EPHA3: variants seen among roughly 807,000 people sequenced by gnomAD.
EPHA3 encodes ephrin type-A receptor 3.
In EPHA3, 42 loss-of-function variants were observed where a neutral mutation model predicts 107.1. The ratio of observed to expected loss-of-function variants is 0.39; its 90% CI spans 0.31 to 0.51. The LOEUF is 0.51. Among genes scored for constraint, EPHA3 ranks in the 20% least tolerant of loss-of-function variants. EPHA3 has a pLI of 0.78. For synonymous variants in EPHA3, 461 were observed against 424.8 expected (o/e 1.09, Z -1.05); for missense variants, 1,183 against 1,211.2 (o/e 0.98, Z 0.35).
intron 5 of EPHA3, among the ~76,000 whole-genome samples, chr3:89,343,628 T>C (rs9832305): frequency 0.31 from 47,519 of 152,134 alleles, 8,262 homozygotes; most frequent in African/African-American, 0.46. Context: ...TATTCAAATA[T>C]GTATCTTTCT....
chr3:89,200,393 A>G (rs191708606), intron 2 of EPHA3, among the ~76,000 whole-genome samples: 212 of 152,360 alleles, frequency 1.4e-3, no homozygotes, highest in African/African-American at 4.9e-3. Context: ...GTGTGCATTC[A>G]TAAGAAAAAA....
At chr3:89,375,810 C>A (rs566645410) in intron 5 of EPHA3, among the ~76,000 whole-genome samples, 81 of 151,998 alleles carry the variant, frequency 5.3e-4, no homozygotes, top group Non-Finnish European at 1.1e-3. Context: ...CCTGGAAGAG[C>A]TGTAGTACTT....
chr3:89,420,697 C>T (rs1431653233), intron 11 of EPHA3, among the ~76,000 whole-genome samples: 8 of 151,384 alleles, frequency 5.3e-5, no homozygotes, highest in African/African-American at 1.7e-4. Flanking sequence ...TGTACAGTTA[C>T]AGTATCATGT....
chr3:89,403,251 A>G (rs1194502138), intron 7 of EPHA3, among the ~76,000 whole-genome samples: 2 of 152,180 alleles, frequency 1.3e-5, no homozygotes, highest in African/African-American at 4.8e-5. Context: ...AAGTCACACA[A>G]TTGGCAAGGG....
At chr3:89,320,448 A>G (rs1170614614) in intron 3 of EPHA3, among the ~76,000 whole-genome samples, 1 of 152,030 alleles carries the variant, frequency 6.6e-6, no homozygotes. Flanking sequence ...GACTACAGGG[A>G]TATTATCTTC....
chr3:89,423,582 G>A (rs758170275), intron 11 of EPHA3, among the ~76,000 whole-genome samples: 1 of 151,218 alleles, frequency 6.6e-6, no homozygotes, highest in Non-Finnish European at 1.5e-5. Flanking sequence ...GTTTTATCAT[G>A]GATTCATGGC....
At chr3:89,231,185 G>A (rs1045662095) in intron 3 of EPHA3, among the ~76,000 whole-genome samples, 5 of 151,938 alleles carry the variant, frequency 3.3e-5, no homozygotes, top group African/African-American at 1.2e-4. Flanking sequence ...CATTTAATTG[G>A]AGAAACTATT....
chr3:89,277,623 T>C (rs2107308768), intron 3 of EPHA3, among the ~76,000 whole-genome samples: 2 of 152,280 alleles, frequency 1.3e-5, no homozygotes, highest in South Asian at 4.1e-4. Flanking sequence ...TTTTGTTTTA[T>C]AGGTTTATAA....
At chr3:89,401,319 G>A (rs1253951485) in intron 7 of EPHA3, among the ~76,000 whole-genome samples, 1 of 152,160 alleles carries the variant, frequency 6.6e-6, no homozygotes, top group African/African-American at 2.4e-5. Flanking sequence ...CTACTCAAAG[G>A]AGAGCTGCCA....
intron 2 of EPHA3, among the ~76,000 whole-genome samples, chr3:89,159,271 A>T (rs1576192705): frequency 6.6e-6 from 1 of 152,278 alleles, no homozygotes; most frequent in South Asian, 2.1e-4. Flanking sequence ...ATGTTTTATG[A>T]ATCAGAGCTC....
intron 11 of EPHA3, among the ~76,000 whole-genome samples, chr3:89,420,493 T>C (rs1409938856): frequency 6.6e-6 from 1 of 151,538 alleles, no homozygotes; most frequent in African/African-American, 2.4e-5. Context: ...AAGTCCATAT[T>C]AATTCTTATA....
At chr3:89,324,560 T>C (rs1707123066) in intron 3 of EPHA3, among the ~76,000 whole-genome samples, 2 of 152,062 alleles carry the variant, frequency 1.3e-5, no homozygotes, top group African/African-American at 4.8e-5. Flanking sequence ...TCTACTTCTA[T>C]TGCTATATCA....
intron 5 of EPHA3, among the ~76,000 whole-genome samples, chr3:89,366,668 G>A (rs1481471303): frequency 3.3e-5 from 5 of 150,450 alleles, no homozygotes; most frequent in Admixed American, 2.7e-4. Flanking sequence ...GAGTATAGAC[G>A]GAGTCAGCTT....
chr3:89,419,371 G>A lies in EPHA3; in HGVS notation c.2055G>A (p.Leu685=), dbSNP rs2107526939. Residue 685 remains leucine, a synonymous_variant, in exon 11 of 17, where the codon CTG becomes CTA. Coordinates refer to ENST00000336596, the MANE Select transcript of EPHA3 (RefSeq NM_005233.6). ...TTGACCACCCCAATATCATTCGACT[G>A]GAAGGAGTTGTTACCAAAAGTAAGT... ...GQFDHPNIIR[L]EGVVTKSKPV... is the part of the protein sequence containing the mutation. 3 of 1,591,840 alleles carry A rather than the reference G, an allele frequency of 1.9e-6. No homozygotes were observed. The highest frequency in any genetic ancestry group is 1.1e-5 in the South Asian group (1 of 87,866).
intron 13 of EPHA3, among the ~76,000 whole-genome samples, chr3:89,435,200 A>C (rs1289842015): frequency 1.3e-5 from 2 of 151,930 alleles, no homozygotes; most frequent in Non-Finnish European, 2.9e-5. Context: ...ATGTTTTGGG[A>C]ATTTCTCTTT....
intron 2 of EPHA3, among the ~76,000 whole-genome samples, chr3:89,136,329 G>GGTTTTTTTTTTTTTT (rs1559747476): frequency 8.4e-5 from 2 of 23,882 alleles, no homozygotes; most frequent in South Asian, 8.1e-4. Flanking sequence ...AATCTTACAG[G>GGTTTTTTTTTTTTTT]CTTTTTTTTT....
chr3:89,466,458 G>C (rs1710277242), intron 15 of EPHA3, among the ~76,000 whole-genome samples: 1 of 128,458 alleles, frequency 7.8e-6, no homozygotes, highest in Non-Finnish European at 1.7e-5. Context: ...TTTGATCTCA[G>C]ACTGCTGTGC....
chr3:89,393,471 A>G (rs1383276720), intron 5 of EPHA3, among the ~76,000 whole-genome samples: 10 of 152,134 alleles, frequency 6.6e-5, no homozygotes, highest in African/African-American at 9.7e-5. Flanking sequence ...TAAAGGAGAG[A>G]TGCTGTACCT....
chr3:89,426,870 T>G (rs1483831403), intron 11 of EPHA3, among the ~76,000 whole-genome samples: 1 of 151,906 alleles, frequency 6.6e-6, no homozygotes, highest in Admixed American at 6.6e-5. Flanking sequence ...ATATGCAGGA[T>G]TTTATTCATT....
Sources: allele counts gnomAD v4.1 joint callset (sites outside exome capture counted in the v4.1 genomes callset), GRCh38; gene constraint gnomAD v4.1.1; transcripts MANE v1.5; gene names NCBI Gene and HGNC (gene_info 2026-07-23, HGNC 2026-07-21).